SAFB: variants seen among roughly 807,000 people sequenced by gnomAD.
SAFB encodes the protein scaffold attachment factor B.
Under a neutral mutation model 101.6 loss-of-function variants are expected in SAFB, and 15 were observed. That is an observed-to-expected ratio of 0.15 (90% CI 0.10 to 0.23). The LOEUF (loss-of-function observed/expected upper bound fraction) is 0.23. Among genes scored for constraint, SAFB ranks in the 10% least tolerant of loss-of-function variants. The probability of loss-of-function intolerance (pLI) is 1.00; values close to 1 mark genes in which losing one functional copy is unlikely to be tolerated. For missense variants in SAFB, 930 were observed against 1,104.1 expected (o/e 0.84, Z 2.23); for synonymous variants, 449 against 407.5 (o/e 1.10, Z -1.23).
At chr19:5,663,129 A>G (rs944718115) in intron 15 of SAFB, among the ~76,000 whole-genome samples, 2 of 151,854 alleles carry the variant, frequency 1.3e-5, no homozygotes, top group Non-Finnish European at 2.9e-5. Flanking sequence ...CACTCTCCCA[A>G]GTAGCTAGGA....
intron 14 of SAFB, 54 bp downstream of exon 14, chr19:5,657,401 T>G: frequency 1.6e-5 from 19 of 1,197,308 alleles, no homozygotes; most frequent in Non-Finnish European, 2.2e-5. Context: ...TGGTCATGAC[T>G]GTCTTCTGGA....
At position 5,664,151 on chromosome 19, in the gene SAFB, G is replaced by A. The variant is rs759562338; in HGVS notation, c.2283G>A (p.Ser761=). ...ACCGCGGCCGCTACCCCGACCACTC[G>A]GTGGACAGGTCAGTTGGGCCCCTGC... ...HRDRGRYPDH[S]VDRREGSRSM... Residue 761 remains serine, a synonymous_variant, in exon 16 of 21, where the codon TCG becomes TCA. Coordinates refer to ENST00000588852, the MANE Select transcript of SAFB (RefSeq NM_001201338.2). The A allele has an allele frequency of 1.5e-5, 25 of 1,613,720 alleles. No individual in the cohort carries two copies. The East Asian group carries it at 2.0e-4, about 13-fold the overall frequency.
At chr19:5,630,858 T>C (rs2053475324) in intron 2 of SAFB, among the ~76,000 whole-genome samples, 1 of 152,164 alleles carries the variant, frequency 6.6e-6, no homozygotes, top group African/African-American at 2.4e-5. Context: ...TAATTTAGAA[T>C]GTATTTTGCA....
At chr19:5,639,606 T>C (rs2145423757) in intron 2 of SAFB, among the ~76,000 whole-genome samples, 1 of 148,740 alleles carries the variant, frequency 6.7e-6, no homozygotes, top group South Asian at 2.1e-4. Flanking sequence ...GGCAGGAGAA[T>C]CACTTGAACC....
chr19:5,667,503 A>G lies in SAFB; in HGVS notation c.2557+53A>G. 1 of 1,277,426 alleles carries G rather than the reference A, an allele frequency of 7.8e-7. No individual in the cohort carries two copies. Among genetic ancestry groups the G allele is most frequent in the Non-Finnish European group, 1.1e-6 (1 of 922,270 alleles). The allele number at this position is 1,277,426 out of a possible 1,614,324, so 79.1% of individuals were successfully genotyped here. On this transcript the variant is annotated intron_variant, in intron 19 of 20. Coordinates refer to ENST00000588852, the MANE Select transcript of SAFB (RefSeq NM_001201338.2). This position sits in a 1 kb window ranked among gnomAD's most constrained non-coding sequence, Gnocchi z 4.0. ...GGATGTGCTGGGGAGTGATGGAAAGATGGAGGCCGCGCCTTCTCTCCTTGG... is the reference window on the plus strand; with the variant it reads ...GGATGTGCTGGGGAGTGATGGAAAGGTGGAGGCCGCGCCTTCTCTCCTTGG...
intron 17 of SAFB, 187 bp from the exon 18 acceptor site, chr19:5,666,859 C>CT: frequency 1.4e-6 from 1 of 692,880 alleles, no homozygotes; most frequent in Non-Finnish European, 2.6e-6. Context: ...GGCCATGAGC[C>CT]TAGGGCACAG....
intron 5 of SAFB, among the ~76,000 whole-genome samples, chr19:5,647,755 G>A (rs940151499): frequency 2.0e-5 from 3 of 152,300 alleles, no homozygotes; most frequent in South Asian, 4.1e-4. Context: ...AGGGTCAGGC[G>A]TGCTTATGAT....
rs1258226981 is a variant in SAFB at position 5,623,112 on chromosome 19, C to T, written c.-94C>T. 3.1e-6 allele frequency: 4 copies of T among 1,272,590 alleles called. No individual in the cohort carries two copies. Among genetic ancestry groups the T allele is most frequent in the East Asian group, 2.5e-5 (1 of 39,482 alleles). The allele number at this position is 1,272,590 out of a possible 1,614,324, so 78.8% of individuals were successfully genotyped here. A position where few individuals can be genotyped will look rare whatever the true frequency, so the allele number is the denominator to read the frequency against. On this transcript the variant is annotated 5_prime_UTR_variant, in exon 1 of 21. Transcript: ENST00000588852. ...GCGAGGCGCGCTGGGGCGACTGGAG[C>T]GGTTCCCTCGCAGGCGGCGCCATTT...
At position 5,664,413 on chromosome 19, in the gene SAFB, T is replaced by A. The variant is rs1444395588; in HGVS notation, c.2308T>A (p.Ser770Thr). Residue 770 changes from serine (S) to threonine (T), a missense_variant, in exon 17 of 21, where the codon TCA becomes ACA. Transcript: ENST00000588852. ...HSVDRREGSRSMMGEREGQHY... is the reference protein window; with the variant it reads ...HSVDRREGSRTMMGEREGQHY... Reference sequence around the variant, plus strand: ...CCTTTTCAGGAGAGAAGGTTCAAGGTCAATGATGGGAGAACGAGAAGGACA... The same window carrying A: ...CCTTTTCAGGAGAGAAGGTTCAAGGACAATGATGGGAGAACGAGAAGGACA... 1 of 1,613,472 alleles carries A rather than the reference T, an allele frequency of 6.2e-7. No individual in the cohort carries two copies. Among genetic ancestry groups the A allele is most frequent in the Non-Finnish European group, 8.5e-7 (1 of 1,179,482 alleles).
chr19:5,625,870 C>T (rs2053346926), intron 1 of SAFB, among the ~76,000 whole-genome samples: 1 of 152,078 alleles, frequency 6.6e-6, no homozygotes. Flanking sequence ...GGGTCTCGTG[C>T]GTAACACATA....
intron 2 of SAFB, among the ~76,000 whole-genome samples, chr19:5,631,690 C>A (rs1197496135): frequency 1.3e-5 from 2 of 152,142 alleles, no homozygotes; most frequent in African/African-American, 4.8e-5. Flanking sequence ...TTAAAAACTG[C>A]TTATACAGCA....
At chr19:5,648,307 T>A in intron 6 of SAFB, 1 of 490,686 alleles carries the variant, frequency 2.0e-6, no homozygotes. Context: ...TCAACAGCAT[T>A]GAATCATACA....
intron 4 of SAFB, among the ~76,000 whole-genome samples, chr19:5,642,636 T>C (rs2053743025): frequency 6.7e-6 from 1 of 149,636 alleles, no homozygotes; most frequent in South Asian, 2.1e-4. Context: ...GGCATTGGCA[T>C]TATGCCCTTC....
In SAFB at chr19:5,667,997, A is replaced by C; in HGVS notation, c.2624+111A>C. ...GCTAGTGCCCCTCCCCCCAAGGGTGACGTGAGGCCAGGCATGGGGTACTGT... is the reference window on the plus strand; with the variant it reads ...GCTAGTGCCCCTCCCCCCAAGGGTGCCGTGAGGCCAGGCATGGGGTACTGT... On this transcript the variant is annotated intron_variant, in intron 20 of 20. Coordinates refer to ENST00000588852, the MANE Select transcript of SAFB (RefSeq NM_001201338.2). The surrounding 1 kb of genome is among the most constrained non-coding windows in gnomAD (Gnocchi z 4.0). 7.1e-7 allele frequency: 1 copy of C among 1,417,630 alleles called. No homozygotes were observed. The allele number at this position is 1,417,630 out of a possible 1,614,324, so 87.8% of individuals were successfully genotyped here.
chr19:5,655,691 C>T (rs1049549665), intron 13 of SAFB, among the ~76,000 whole-genome samples: 2 of 151,942 alleles, frequency 1.3e-5, no homozygotes, highest in Non-Finnish European at 2.9e-5. Context: ...GTGAATGGAG[C>T]GGATTGCTTA....
intron 16 of SAFB, 80 bp downstream of exon 16, chr19:5,664,239 C>G: frequency 6.7e-7 from 1 of 1,503,374 alleles, no homozygotes; most frequent in Non-Finnish European, 9.2e-7. Context: ...CCTGGGCTCT[C>G]TGAACCCACT....
intron 2 of SAFB, among the ~76,000 whole-genome samples, chr19:5,637,626 A>G (rs2053622552): frequency 6.6e-6 from 1 of 152,170 alleles, no homozygotes; most frequent in Non-Finnish European, 1.5e-5. Flanking sequence ...AAGACATGCC[A>G]CTGCACTCCA....
chr19:5,657,693 T>G (rs1599373486), intron 14 of SAFB, among the ~76,000 whole-genome samples: 1 of 151,810 alleles, frequency 6.6e-6, no homozygotes, highest in African/African-American at 2.4e-5. Flanking sequence ...CCTGGCTAAT[T>G]TTTGTATTTT....
At chr19:5,656,549 T>C (rs1423749315) in intron 13 of SAFB, among the ~76,000 whole-genome samples, 1 of 151,184 alleles carries the variant, frequency 6.6e-6, no homozygotes, top group Admixed American at 6.6e-5. Context: ...GTGGTAGGAT[T>C]ATAGGCGTGA....
Sources: gnomAD v4.1 joint callset for allele counts (sites outside exome capture counted in the v4.1 genomes callset) on GRCh38, gnomAD v4.1.1 for gene constraint, Gnocchi (gnomAD v3.1) non-coding constraint, MANE v1.5 for transcripts, NCBI Gene and HGNC (gene_info 2026-07-23, HGNC 2026-07-21) for gene names.